Variants in NAV2 observed in about 807,000 individuals in gnomAD.
NAV2 encodes the protein neuron navigator 2.
In NAV2, 54 loss-of-function variants were observed where a neutral mutation model predicts 223.2. The ratio of observed to expected loss-of-function variants is 0.24; its 90% CI spans 0.19 to 0.30. NAV2 has a LOEUF of 0.30. NAV2 is among the 10% of genes least tolerant of loss of function. The pLI is 1.00. For synonymous variants in NAV2, 1,279 were observed against 1,239.3 expected, an observed-to-expected ratio of 1.03 and a Z score of -0.67; for missense variants, 2,806 against 3,147.5, an observed-to-expected ratio of 0.89 and a Z score of 2.60.
intron 1 of NAV2, among the ~76,000 whole-genome samples, chr11:19,406,565 C>T (rs1849906646): frequency 6.6e-6 from 1 of 152,130 alleles, no homozygotes; most frequent in South Asian, 2.1e-4. Context: ...GGTATCCCTG[C>T]CCCGCCAATG....
chr11:19,565,605 G>A (rs1352356691), intron 1 of NAV2, among the ~76,000 whole-genome samples: 2 of 152,166 alleles, frequency 1.3e-5, no homozygotes, highest in Non-Finnish European at 2.9e-5. Context: ...TCTGGAATAA[G>A]CTCAAATTTC....
chr11:19,684,894 C>T (rs2152239985), intron 1 of NAV2, among the ~76,000 whole-genome samples: 1 of 152,294 alleles, frequency 6.6e-6, no homozygotes, highest in African/African-American at 2.4e-5. Context: ...TCATTATAAC[C>T]CATGGCCTCT....
chr11:19,918,990 C>T (rs1424177255), intron 6 of NAV2, among the ~76,000 whole-genome samples: 1 of 152,046 alleles, frequency 6.6e-6, no homozygotes, highest in African/African-American at 2.4e-5. Flanking sequence ...GTATCCCTAA[C>T]ACCTGGGAAA....
chr11:20,093,338 C>T (rs1436984477), intron 29 of NAV2, 139 bp downstream of exon 29: 2 of 638,118 alleles, frequency 3.1e-6, no homozygotes, highest in African/African-American at 3.6e-5. Context: ...TCTTAACTAA[C>T]CATAATCCCT....
chr11:19,435,844 A>G (rs963194546), intron 1 of NAV2, among the ~76,000 whole-genome samples: 3 of 152,124 alleles, frequency 2.0e-5, no homozygotes, highest in African/African-American at 4.8e-5. Context: ...CATTTTTCCT[A>G]TATCTGTTGG....
At position 20,103,678 on chromosome 11, in the gene NAV2, C is replaced by G. The variant is rs757303321; in HGVS notation, c.6598C>G (p.Gln2200Glu). 2.5e-6 allele frequency: 4 copies of G among 1,614,168 alleles called. No homozygotes were observed. Among genetic ancestry groups the G allele is most frequent in the Non-Finnish European group, 1.7e-6 (2 of 1,180,026 alleles). ...KCPYIIGTMN[Q>E]ATSSTPNLQL... Reference sequence around the variant, plus strand: ...CCCTTACATAATTGGCACAATGAACCAGGCTACCTCTTCGACTCCCAACCT... The same window carrying G: ...CCCTTACATAATTGGCACAATGAACGAGGCTACCTCTTCGACTCCCAACCT... Residue 2200 changes from glutamine to glutamate, a missense_variant, in exon 34 of 38, where the codon CAG (glutamine) becomes GAG (glutamate). By Grantham distance (29) the Gln-to-Glu change is conservative. Coordinates refer to ENST00000349880, the MANE Select transcript of NAV2 (RefSeq NM_145117.5).
rs149827053 is a variant in NAV2 at position 19,947,759 on chromosome 11, C to A, written c.2256-932C>A. 1.5e-3 allele frequency among the ~76,000 whole-genome samples: 227 copies of A among 152,326 alleles called. 3 individuals carry two copies. The East Asian group carries it at 0.037, about 25-fold the overall frequency. The stretch of plus-strand genomic sequence containing the variant: ...CTTGGGCAGATTCTAGTCCATGTAA[C>A]TTGATTGAAGAGGGAACTCAAGCCC... On this transcript the variant is annotated intron_variant, in intron 9 of 37. Transcript: ENST00000349880.
Position 19,945,029 on chromosome 11 carries a change from CTTTCTT to C in NAV2, c.2147-1361_2147-1356del, listed in dbSNP as rs762858209. Among the ~76,000 whole-genome samples the C allele has an allele frequency of 1.6e-3, 232 of 141,616 alleles. 2 individuals are homozygous for C. In the South Asian group the frequency reaches 0.05, roughly 31 times the overall value. The allele number at this position is 141,616 out of a possible 152,430, so 92.9% of individuals were successfully genotyped here. A position where few individuals can be genotyped will look rare whatever the true frequency, so the allele number is the denominator to read the frequency against. The stretch of plus-strand genomic sequence containing the variant: ...TTCCTTTCCTTTCCTTTTCTTTCTT[CTTTCTT>C]TTTCTTTTTCCTTTCCTTTTCTCTT... On this transcript the variant is annotated intron_variant, in intron 8 of 37. Transcript: ENST00000349880.
chr11:19,527,649 G>A (rs922880323), intron 1 of NAV2, among the ~76,000 whole-genome samples: 1 of 89,206 alleles, frequency 1.1e-5, no homozygotes, highest in African/African-American at 4.4e-5. Flanking sequence ...AACTCTCTCC[G>A]CATCCAGCAC....
At chr11:20,053,344 T>C (rs1208997105) in intron 17 of NAV2, among the ~76,000 whole-genome samples, 2 of 151,832 alleles carry the variant, frequency 1.3e-5, no homozygotes, top group African/African-American at 4.8e-5. Flanking sequence ...ACCAGCAGGG[T>C]TCTTACCTTC....
At chr11:19,726,931 T>G (rs1226148160) in intron 1 of NAV2, among the ~76,000 whole-genome samples, 1 of 152,232 alleles carries the variant, frequency 6.6e-6, no homozygotes, top group African/African-American at 2.4e-5. Flanking sequence ...CACCTCTGTC[T>G]GGAGGCACAG....
intron 3 of NAV2, among the ~76,000 whole-genome samples, chr11:19,854,507 G>A (rs1046168584): frequency 2.6e-5 from 4 of 152,200 alleles, no homozygotes; most frequent in Admixed American, 6.5e-5. Context: ...AAAATTGGCT[G>A]TAACTGGGTA....
chr11:19,728,419 A>G (rs1460080893), intron 1 of NAV2, among the ~76,000 whole-genome samples: 1 of 152,220 alleles, frequency 6.6e-6, no homozygotes, highest in Non-Finnish European at 1.5e-5. Flanking sequence ...AGGGCTCTGC[A>G]GGAGATTCTG....
At chr11:19,378,196 C>G (rs1231430640) in intron 1 of NAV2, among the ~76,000 whole-genome samples, 2 of 152,192 alleles carry the variant, frequency 1.3e-5, no homozygotes, top group Admixed American at 6.5e-5. Context: ...CCCCAGCCCC[C>G]CTACACATGT....
chr11:19,686,306 C>A (rs1020098608), intron 1 of NAV2, among the ~76,000 whole-genome samples: 3 of 152,184 alleles, frequency 2.0e-5, no homozygotes, highest in Admixed American at 6.5e-5. Flanking sequence ...TTCTCCATCC[C>A]TCCCCCTCCC....
At chr11:19,473,311 A>G (rs2042020906) in intron 1 of NAV2, among the ~76,000 whole-genome samples, 1 of 151,428 alleles carries the variant, frequency 6.6e-6, no homozygotes. Flanking sequence ...GTACAGATGG[A>G]TGAGTACAAA....
At chr11:19,820,475 T>C (rs993547878) in intron 1 of NAV2, among the ~76,000 whole-genome samples, 1 of 152,208 alleles carries the variant, frequency 6.6e-6, no homozygotes, top group African/African-American at 2.4e-5. Flanking sequence ...GAGGAAGTGC[T>C]GTAGAAAGGG....
intron 1 of NAV2, among the ~76,000 whole-genome samples, chr11:19,649,033 A>G (rs184019403): frequency 6.6e-6 from 1 of 152,264 alleles, no homozygotes; most frequent in East Asian, 1.9e-4. Context: ...TTTTTTATCC[A>G]TAGAAATTTG....
intron 6 of NAV2, among the ~76,000 whole-genome samples, chr11:19,922,217 A>C (rs1052359976): frequency 6.7e-6 from 1 of 150,366 alleles, no homozygotes; most frequent in Non-Finnish European, 1.5e-5. Context: ...AATGGTCCTG[A>C]GTCATGGACT....
Sources: gnomAD v4.1 joint callset for allele counts (sites outside exome capture counted in the v4.1 genomes callset) on GRCh38, gnomAD v4.1.1 for gene constraint, MANE v1.5 for transcripts, NCBI Gene and HGNC (gene_info 2026-07-23, HGNC 2026-07-21) for gene names.